Variants in ABCC1 observed in about 807,000 individuals in gnomAD.
The protein encoded by ABCC1 is multidrug resistance-associated protein 1.
ABCC1 carries 83 observed loss-of-function variants against 172.9 expected under a neutral mutation model. The ratio of observed to expected loss-of-function variants is 0.48; its 90% CI spans 0.40 to 0.58. The LOEUF (loss-of-function observed/expected upper bound fraction) is 0.58. Among genes scored for constraint, ABCC1 ranks in the 20% least tolerant of loss-of-function variants. ABCC1 has a pLI of 0.00. For synonymous variants in ABCC1, 937 were observed against 825.2 expected (o/e 1.14, Z -2.32); for missense variants, 1,817 against 2,002.7 (o/e 0.91, Z 1.77).
In ABCC1 at chr16:16,099,850, G is replaced by C. The variant is rs8054963; in HGVS notation, c.2645-2777G>C. 4.6e-3 allele frequency among the ~76,000 whole-genome samples: 700 copies of C among 152,302 alleles called. 6 individuals are homozygous for C. Among genetic ancestry groups the C allele is most frequent in the African/African-American group, 0.016 (651 of 41,566 alleles). ...TGTAATCCCAGCACTCTGGGAGGCC[G>C]AGGTGGGTGGATCACCTGAGGTCAG... On this transcript the variant is annotated intron_variant, in intron 19 of 30. Coordinates refer to ENST00000399410, the MANE Select transcript of ABCC1 (RefSeq NM_004996.4).
chr16:16,131,750 C>T lies in ABCC1; in HGVS notation c.3820-39C>T, dbSNP rs770510804. 3.1e-6 allele frequency: 5 copies of T among 1,602,884 alleles called. No homozygotes were observed. The African/African-American group carries it at 4.0e-5, about 13-fold the overall frequency. On this transcript the variant is annotated intron_variant, in intron 26 of 30. Coordinates refer to ENST00000399410, the MANE Select transcript of ABCC1 (RefSeq NM_004996.4). Reference sequence around the variant, plus strand: ...GGGAGTCACAGCTTTACCAGATGGACTGGAAATTCCTTACTCTCTCCCTTC... The same window carrying T: ...GGGAGTCACAGCTTTACCAGATGGATTGGAAATTCCTTACTCTCTCCCTTC...
At chr16:16,033,240 C>A (rs1030063418) in intron 6 of ABCC1, 70 bp downstream of exon 6, 1 of 1,447,908 alleles carries the variant, frequency 6.9e-7, no homozygotes, top group Non-Finnish European at 9.7e-7. Context: ...AACGAATGAA[C>A]ATGCTCAGCT....
chr16:16,134,548 GCA>G, intron 28 of ABCC1, 40 bp downstream of exon 28: 22 of 1,610,984 alleles, frequency 1.4e-5, no homozygotes, highest in Non-Finnish European at 1.9e-5. Flanking sequence ...GCCAGAGCTG[GCA>G]AGCCCTATGA....
At chr16:16,009,587 G>A (rs147002789) in intron 2 of ABCC1, among the ~76,000 whole-genome samples, 189 bp from the exon 3 acceptor site, 50 of 152,280 alleles carry the variant, frequency 3.3e-4, no homozygotes, top group Admixed American at 5.2e-4. Flanking sequence ...TCACGTGCCG[G>A]CCTGGATGCC....
intron 13 of ABCC1, among the ~76,000 whole-genome samples, chr16:16,069,478 A>G (rs531397189): frequency 3.4e-4 from 52 of 151,934 alleles, no homozygotes; most frequent in Non-Finnish European, 6.3e-4. Flanking sequence ...CTGTTTTGTC[A>G]CACTTGGGCA....
intron 23 of ABCC1, among the ~76,000 whole-genome samples, chr16:16,119,594 G>A (rs1490036709): frequency 3.3e-5 from 5 of 152,172 alleles, no homozygotes; most frequent in Non-Finnish European, 7.3e-5. Flanking sequence ...AGGAGGCTAA[G>A]GCAGGAGAAT....
At chr16:16,125,658 C>T in intron 25 of ABCC1, 152 bp from the exon 26 acceptor site, 1 of 580,708 alleles carries the variant, frequency 1.7e-6, no homozygotes. Context: ...GTCTCAAACC[C>T]CTGACCTCAG....
chr16:16,134,263 A>C, intron 27 of ABCC1, 87 bp from the exon 28 acceptor site: 1 of 1,533,130 alleles, frequency 6.5e-7, no homozygotes, highest in South Asian at 1.2e-5. Flanking sequence ...CTGATGCCTG[A>C]GGTGGGGCCG....
intron 9 of ABCC1, among the ~76,000 whole-genome samples, chr16:16,046,796 A>G (rs1392564692): frequency 6.7e-6 from 1 of 149,262 alleles, no homozygotes; most frequent in African/African-American, 2.5e-5. Flanking sequence ...GAGGTCAAGG[A>G]AACTGCTTGG....
At chr16:16,121,460 T>C (rs2045153485) in intron 23 of ABCC1, among the ~76,000 whole-genome samples, 1 of 152,198 alleles carries the variant, frequency 6.6e-6, no homozygotes, top group Non-Finnish European at 1.5e-5. Context: ...TGAGGTCTCG[T>C]TGACCTCAAA....
rs1388458205 is a variant in ABCC1, at chr16:16,009,859, C to T, written c.309C>T (p.Ala103=). Residue 103 remains alanine (A), a synonymous_variant, in exon 3 of 31, where the codon GCC becomes GCT. Transcript: ENST00000399410. The part of the protein sequence containing the change: ...FWERSRGIFL[A]PVFLVSPTLL... Reference sequence around the variant, plus strand: ...AAAGAAGTCGGGGCATATTCCTGGCCCCAGTGTTTCTGGTCAGCCCAACTC... The same window carrying T: ...AAAGAAGTCGGGGCATATTCCTGGCTCCAGTGTTTCTGGTCAGCCCAACTC... The T allele has an allele frequency of 1.2e-6, 2 of 1,610,948 alleles. No homozygotes were observed. Among genetic ancestry groups the T allele is most frequent in the African/African-American group, 2.7e-5 (2 of 74,650 alleles).
intron 1 of ABCC1, among the ~76,000 whole-genome samples, chr16:15,992,988 T>A (rs1366937399): frequency 6.6e-6 from 1 of 152,048 alleles, no homozygotes; most frequent in African/African-American, 2.4e-5. Flanking sequence ...TCCTGACCCT[T>A]CCAGTCTGCT....
intron 12 of ABCC1, among the ~76,000 whole-genome samples, chr16:16,064,190 G>T (rs2050025879): frequency 6.6e-6 from 1 of 152,148 alleles, no homozygotes; most frequent in East Asian, 1.9e-4. Flanking sequence ...TCTCAGAAAA[G>T]GCACCTAGGG....
chr16:16,132,507 GTTGTTTTTTTTTTT>G (rs1438885579), intron 27 of ABCC1, among the ~76,000 whole-genome samples: 6 of 75,066 alleles, frequency 8.0e-5, no homozygotes, highest in Non-Finnish European at 1.4e-4. Context: ...TTTTTGGTTG[GTTGTTTTTTTTTTT>G]TTTTTTTTTT....
chr16:16,012,788 T>C (rs771473269), intron 3 of ABCC1, among the ~76,000 whole-genome samples: 29 of 151,824 alleles, frequency 1.9e-4, no homozygotes, highest in Non-Finnish European at 4.0e-4. Flanking sequence ...GTTCAAGTGA[T>C]TCTCCTGCCT....
chr16:15,968,207 G>C (rs1234581829), intron 1 of ABCC1, among the ~76,000 whole-genome samples: 1 of 151,754 alleles, frequency 6.6e-6, no homozygotes, highest in Non-Finnish European at 1.5e-5. Flanking sequence ...GCTAATTTTT[G>C]TATTTTTAGT....
chr16:16,125,495 C>T (rs184077633), intron 25 of ABCC1, among the ~76,000 whole-genome samples: 9 of 151,668 alleles, frequency 5.9e-5, no homozygotes, highest in African/African-American at 2.2e-4. Flanking sequence ...GTGGTGGGAT[C>T]TCGGCTCACT....
At chr16:16,006,567 T>TG (rs2047539118) in intron 1 of ABCC1, among the ~76,000 whole-genome samples, 1 of 150,158 alleles carries the variant, frequency 6.7e-6, no homozygotes, top group Non-Finnish European at 1.5e-5. Flanking sequence ...AATACAGGCT[T>TG]TTTTTTTTTA....
At chr16:16,087,981 C>G (rs928110892) in intron 18 of ABCC1, among the ~76,000 whole-genome samples, 1 of 152,086 alleles carries the variant, frequency 6.6e-6, no homozygotes, top group Non-Finnish European at 1.5e-5. Flanking sequence ...TAATCGTTCC[C>G]ATACATACCA....
Sources: allele counts gnomAD v4.1 joint callset (sites outside exome capture counted in the v4.1 genomes callset), GRCh38; gene constraint gnomAD v4.1.1; transcripts MANE v1.5; gene names NCBI Gene and HGNC (gene_info 2026-07-23, HGNC 2026-07-21).